The following SPOCK3 variants were observed in gnomAD, a reference collection of about 807,000 sequenced individuals.
SPOCK3 encodes the protein testican-3.
SPOCK3 carries 30 observed loss-of-function variants against 56.6 expected under a neutral mutation model. That is an observed-to-expected ratio of 0.53 (90% CI 0.40 to 0.72). The LOEUF (loss-of-function observed/expected upper bound fraction) is 0.72. Among genes scored for constraint, SPOCK3 ranks in the 30% least tolerant of loss-of-function variants. The pLI is 0.00. For synonymous variants in SPOCK3, 196 were observed against 183.3 expected, an observed-to-expected ratio of 1.07 and a Z score of -0.56; for missense variants, 527 against 530.0, an observed-to-expected ratio of 0.99 and a Z score of 0.06.
intron 3 of SPOCK3, among the ~76,000 whole-genome samples, chr4:167,049,943 CAA>C (rs1460240132): frequency 6.6e-6 from 1 of 152,150 alleles, no homozygotes; most frequent in African/African-American, 2.4e-5. Flanking sequence ...TATTTCATAA[CAA>C]AAGAGTAAAC....
intron 4 of SPOCK3, among the ~76,000 whole-genome samples, chr4:166,982,791 T>C (rs1746727698): frequency 6.6e-6 from 1 of 152,106 alleles, no homozygotes; most frequent in African/African-American, 2.4e-5. Flanking sequence ...ACTCAAGCCA[T>C]ATTTATTTTT....
chr4:167,054,148 T>C (rs965013281), intron 3 of SPOCK3, among the ~76,000 whole-genome samples: 1 of 152,120 alleles, frequency 6.6e-6, no homozygotes, highest in African/African-American at 2.4e-5. Context: ...AACACTTAAA[T>C]AAAAGGTGAT....
chr4:166,800,183 GAAAAAAAAA>G (rs367811359), intron 6 of SPOCK3, among the ~76,000 whole-genome samples: 7 of 51,788 alleles, frequency 1.4e-4, no homozygotes, highest in East Asian at 2.8e-3. Flanking sequence ...CTCCATCTCA[GAAAAAAAAA>G]AAAAAAAAAA....
chr4:166,748,766 C>T (rs1735978928), intron 8 of SPOCK3, among the ~76,000 whole-genome samples: 1 of 137,020 alleles, frequency 7.3e-6, no homozygotes, highest in Admixed American at 7.0e-5. Flanking sequence ...CCAGAATCCA[C>T]AAAGAACTTG....
At chr4:167,189,459 C>CA (rs947625549) in intron 2 of SPOCK3, among the ~76,000 whole-genome samples, 1 of 144,454 alleles carries the variant, frequency 6.9e-6, no homozygotes, top group Non-Finnish European at 1.5e-5. Flanking sequence ...TTCATCAGTC[C>CA]AAAAAAAATT....
rs183831718 is a variant in SPOCK3 at position 167,211,747 on chromosome 4, C to T, written c.189+22238G>A. On this transcript the variant is annotated intron_variant, in intron 2 of 10. Coordinates refer to ENST00000357545, the MANE Select transcript of SPOCK3 (RefSeq NM_001040159.2). The stretch of plus-strand genomic sequence containing the variant: ...TTAAACCTCTTTCTTTTGTTAATTG[C>T]CCAGTCTCGGGTATGTATTTATCAG... 2.0e-5 allele frequency among the ~76,000 whole-genome samples: 3 copies of T among 152,246 alleles called. No homozygotes were observed. The East Asian group carries it at 5.8e-4, about 29-fold the overall frequency.
At chr4:166,765,421 C>T (rs1175762773) in intron 7 of SPOCK3, among the ~76,000 whole-genome samples, 1 of 152,160 alleles carries the variant, frequency 6.6e-6, no homozygotes, top group African/African-American at 2.4e-5. Context: ...CCAGTTTTCC[C>T]AGCACCATTT....
chr4:167,072,016 A>C (rs1756734292), intron 2 of SPOCK3, among the ~76,000 whole-genome samples: 1 of 152,072 alleles, frequency 6.6e-6, no homozygotes, highest in Non-Finnish European at 1.5e-5. Context: ...AACATTTAAT[A>C]AAAATAGTGG....
At chr4:167,148,423 G>A (rs973658557) in intron 2 of SPOCK3, among the ~76,000 whole-genome samples, 7 of 152,130 alleles carry the variant, frequency 4.6e-5, no homozygotes, top group Non-Finnish European at 1.0e-4. Context: ...GACTCTCAGA[G>A]TTCACAAATG....
intron 4 of SPOCK3, among the ~76,000 whole-genome samples, chr4:166,997,282 C>T (rs1748484922): frequency 6.6e-6 from 1 of 151,666 alleles, no homozygotes; most frequent in Non-Finnish European, 1.5e-5. Context: ...ATATAACAAA[C>T]CTGCACATTC....
At chr4:166,874,250 C>T (rs1046924864) in intron 6 of SPOCK3, among the ~76,000 whole-genome samples, 18 of 151,998 alleles carry the variant, frequency 1.2e-4, no homozygotes, top group African/African-American at 4.3e-4. Flanking sequence ...AGCTGAATCC[C>T]ACCTGTGAGC....
At chr4:167,086,155 G>A (rs981043972) in intron 2 of SPOCK3, among the ~76,000 whole-genome samples, 5 of 151,964 alleles carry the variant, frequency 3.3e-5, no homozygotes, top group African/African-American at 9.7e-5. Context: ...ATAAAATAGC[G>A]AAATTTTACT....
chr4:166,872,179 TACAGTAAAAGTCCTAGTAGTGTA>T (rs1428023813), intron 6 of SPOCK3, among the ~76,000 whole-genome samples: 1 of 151,798 alleles, frequency 6.6e-6, no homozygotes, highest in Non-Finnish European at 1.5e-5. Context: ...TATTAAACAG[TACAGTAAAAGTCCTAGTAGTGTA>T]ATAAGACAAG....
In SPOCK3 at chr4:166,766,505, C is replaced by T. The variant is rs569644988; in HGVS notation, c.710-11776G>A. On this transcript the variant is annotated intron_variant, in intron 7 of 10. Coordinates refer to ENST00000357545, the MANE Select transcript of SPOCK3 (RefSeq NM_001040159.2). ...TGGATTACATTTAATGATTTGCGTACGTTGAACCAGTCTTGCATCCCAGGG... is the reference window on the plus strand; with the variant it reads ...TGGATTACATTTAATGATTTGCGTATGTTGAACCAGTCTTGCATCCCAGGG... Among the ~76,000 whole-genome samples, 8 of 152,060 alleles carry T rather than the reference C, an allele frequency of 5.3e-5. No homozygotes were observed. The South Asian group carries it at 8.3e-4, about 16-fold the overall frequency.
intron 2 of SPOCK3, among the ~76,000 whole-genome samples, chr4:167,162,050 AAAG>A (rs1765367228): frequency 6.6e-6 from 1 of 152,072 alleles, no homozygotes; most frequent in African/African-American, 2.4e-5. Context: ...TAATAAAAAA[AAAG>A]AAGACACAGA....
intron 4 of SPOCK3, among the ~76,000 whole-genome samples, chr4:166,929,760 A>AT (rs1233078081): frequency 6.6e-6 from 1 of 152,114 alleles, no homozygotes; most frequent in African/African-American, 2.4e-5. Context: ...TAGCTATATG[A>AT]TTTTTCCTCT....
intron 6 of SPOCK3, among the ~76,000 whole-genome samples, chr4:166,886,589 T>A (rs1301237393): frequency 6.6e-6 from 1 of 152,128 alleles, no homozygotes; most frequent in African/African-American, 2.4e-5. Context: ...ATGAAGAAAA[T>A]CTATATTTAT....
At chr4:167,003,221 A>G (rs1221898157) in intron 3 of SPOCK3, among the ~76,000 whole-genome samples, 1 of 152,204 alleles carries the variant, frequency 6.6e-6, no homozygotes, top group Admixed American at 6.5e-5. Context: ...CATGAAAAAT[A>G]ATGTAATGAG....
intron 2 of SPOCK3, among the ~76,000 whole-genome samples, chr4:167,120,287 A>G (rs1422664646): frequency 6.6e-6 from 1 of 152,050 alleles, no homozygotes; most frequent in Non-Finnish European, 1.5e-5. Flanking sequence ...AAATGACAGT[A>G]TTTTATCCTA....
Sources: gnomAD v4.1 joint callset for allele counts (sites outside exome capture counted in the v4.1 genomes callset) on GRCh38, gnomAD v4.1.1 for gene constraint, MANE v1.5 for transcripts, NCBI Gene and HGNC (gene_info 2026-07-23, HGNC 2026-07-21) for gene names.